The following SLC9A9 variants were observed in gnomAD, a reference collection of about 807,000 sequenced individuals.
The protein encoded by SLC9A9 is solute carrier family 9 member A9.
In SLC9A9, 62 loss-of-function variants were observed where a neutral mutation model predicts 77.8. That is an observed-to-expected ratio of 0.80 (90% CI 0.65 to 0.98). SLC9A9 has a LOEUF of 0.98. Among genes scored for constraint, SLC9A9 ranks in the 50% least tolerant of loss-of-function variants. The pLI, the probability that SLC9A9 is intolerant of heterozygous loss-of-function variation, is 0.00. For synonymous variants in SLC9A9, 320 were observed against 283.5 expected, an observed-to-expected ratio of 1.13 and a Z score of -1.29; for missense variants, 775 against 774.9, an observed-to-expected ratio of 1.00 and a Z score of 0.00.
chr3:143,624,309 C>CA (rs1194909992), intron 6 of SLC9A9, among the ~76,000 whole-genome samples: 1 of 151,906 alleles, frequency 6.6e-6, no homozygotes, highest in African/African-American at 2.4e-5. Context: ...AGAGACACAA[C>CA]AAAAAAAGAG....
At chr3:143,823,833 AT>A (rs1400372830) in intron 2 of SLC9A9, among the ~76,000 whole-genome samples, 1 of 152,112 alleles carries the variant, frequency 6.6e-6, no homozygotes, top group Non-Finnish European at 1.5e-5. Context: ...ATCTTAGAGA[AT>A]GGAAAGGATG....
chr3:143,528,160 T>C (rs1038965874), intron 9 of SLC9A9, among the ~76,000 whole-genome samples: 5 of 152,220 alleles, frequency 3.3e-5, no homozygotes, highest in African/African-American at 1.2e-4. Context: ...TTTAGACTTA[T>C]TTTGGGCTCA....
At chr3:143,803,386 G>C (rs1368071825) in intron 2 of SLC9A9, among the ~76,000 whole-genome samples, 4 of 152,126 alleles carry the variant, frequency 2.6e-5, no homozygotes, top group African/African-American at 9.7e-5. Flanking sequence ...CTTGGGCAGA[G>C]CCCCCAAAAC....
At chr3:143,676,807 T>A (rs1325818759) in intron 5 of SLC9A9, among the ~76,000 whole-genome samples, 1 of 152,116 alleles carries the variant, frequency 6.6e-6, no homozygotes, top group Non-Finnish European at 1.5e-5. Context: ...ACCAGTTACA[T>A]GACTCCATTG....
intron 4 of SLC9A9, among the ~76,000 whole-genome samples, chr3:143,742,081 C>T (rs1454471903): frequency 6.6e-6 from 1 of 152,056 alleles, no homozygotes; most frequent in East Asian, 1.9e-4. Context: ...TTAAACTGCT[C>T]TTAAGATCAG....
intron 12 of SLC9A9, among the ~76,000 whole-genome samples, chr3:143,417,437 G>A (rs2034215205): frequency 6.7e-6 from 1 of 149,858 alleles, no homozygotes; most frequent in East Asian, 2.0e-4. Flanking sequence ...TAGGACTGGT[G>A]TCCTTATAAG....
At chr3:143,709,105 C>T (rs544288029) in intron 4 of SLC9A9, among the ~76,000 whole-genome samples, 24 of 152,122 alleles carry the variant, frequency 1.6e-4, no homozygotes, top group Non-Finnish European at 2.5e-4. Context: ...TAGTAATTCA[C>T]AGGCGTGGGC....
At chr3:143,783,132 A>C (rs1455325459) in intron 4 of SLC9A9, among the ~76,000 whole-genome samples, 2 of 152,108 alleles carry the variant, frequency 1.3e-5, no homozygotes, top group African/African-American at 4.8e-5. Flanking sequence ...TCCTCTGTTT[A>C]GCATCCTACA....
intron 2 of SLC9A9, among the ~76,000 whole-genome samples, chr3:143,825,143 T>C (rs2009266654): frequency 6.8e-6 from 1 of 146,344 alleles, no homozygotes. Context: ...TCAGTGTGCC[T>C]AGAAAAGTTT....
At chr3:143,294,242 C>T (rs1470515543) in intron 14 of SLC9A9, among the ~76,000 whole-genome samples, 3 of 152,134 alleles carry the variant, frequency 2.0e-5, no homozygotes, top group Admixed American at 6.6e-5. Context: ...AAACCCAAAT[C>T]GCCTACTCTT....
At chr3:143,512,927 T>G (rs1157319057) in intron 9 of SLC9A9, among the ~76,000 whole-genome samples, 3 of 152,156 alleles carry the variant, frequency 2.0e-5, no homozygotes, top group Non-Finnish European at 4.4e-5. Context: ...ATGTATTCAT[T>G]AAAAATGCTT....
intron 6 of SLC9A9, among the ~76,000 whole-genome samples, chr3:143,596,620 A>C (rs1346280319): frequency 6.6e-6 from 1 of 152,186 alleles, no homozygotes; most frequent in Non-Finnish European, 1.5e-5. Context: ...ACTCATTAAA[A>C]ACTCAAAATG....
At chr3:143,282,484 C>T (rs555416826) in intron 14 of SLC9A9, among the ~76,000 whole-genome samples, 1 of 152,282 alleles carries the variant, frequency 6.6e-6, no homozygotes, top group African/African-American at 2.4e-5. Flanking sequence ...ACTCAATATC[C>T]AGTCTCCCTC....
intron 12 of SLC9A9, among the ~76,000 whole-genome samples, chr3:143,421,565 A>T (rs567360351): frequency 6.6e-6 from 1 of 152,192 alleles, no homozygotes; most frequent in Admixed American, 6.5e-5. Flanking sequence ...ATGAAAGTAG[A>T]TCATCGTTTT....
At chr3:143,788,180 A>C (rs1413425905) in intron 4 of SLC9A9, among the ~76,000 whole-genome samples, 1 of 152,104 alleles carries the variant, frequency 6.6e-6, no homozygotes, top group East Asian at 1.9e-4. Context: ...TGGAGGAAAA[A>C]TAATTAATTG....
In SLC9A9 at chr3:143,586,629, A is replaced by G. The variant is rs1224901043; in HGVS notation, c.756-7906T>C. The stretch of plus-strand genomic sequence containing the variant: ...GTACCAACCTGCCCTTTCTCAGATA[A>G]GTTGCTTAATTATGAATAAGGAATT... On this transcript the variant is annotated intron_variant, in intron 6 of 15. Coordinates refer to ENST00000316549, the MANE Select transcript of SLC9A9 (RefSeq NM_173653.4). 2.0e-5 allele frequency among the ~76,000 whole-genome samples: 3 copies of G among 152,308 alleles called. No individual in the cohort carries two copies. The East Asian group carries it at 5.8e-4, about 29-fold the overall frequency.
chr3:143,797,163 G>A (rs912098801), intron 2 of SLC9A9, among the ~76,000 whole-genome samples: 2 of 56,852 alleles, frequency 3.5e-5, no homozygotes, highest in Non-Finnish European at 6.5e-5. Context: ...AAATCTCTCT[G>A]AGAAAAATGT....
intron 4 of SLC9A9, among the ~76,000 whole-genome samples, chr3:143,791,463 A>C (rs115804524): frequency 7.7e-4 from 117 of 152,308 alleles, no homozygotes; most frequent in African/African-American, 2.7e-3. Flanking sequence ...TTCATGTTCC[A>C]CAATCTCTCT....
At chr3:143,428,184 G>A (rs2034440430) in intron 12 of SLC9A9, among the ~76,000 whole-genome samples, 1 of 152,030 alleles carries the variant, frequency 6.6e-6, no homozygotes, top group Non-Finnish European at 1.5e-5. Context: ...CATCTGACAA[G>A]GGGTTAATAT....
Sources: allele counts gnomAD v4.1 joint callset (sites outside exome capture counted in the v4.1 genomes callset), GRCh38; gene constraint gnomAD v4.1.1; transcripts MANE v1.5; gene names NCBI Gene and HGNC (gene_info 2026-07-23, HGNC 2026-07-21).